Variants in ZNF280C observed in about 807,000 individuals in gnomAD.
ZNF280C encodes the protein zinc finger protein 280C, also known as suppressor of hairy wing homolog 3.
ZNF280C carries 14 observed loss-of-function variants against 53.6 expected under a neutral mutation model. The observed-to-expected ratio is 0.26, with a 90% CI of 0.17 to 0.41. The LOEUF (loss-of-function observed/expected upper bound fraction) is 0.41, where lower values mean the gene tolerates loss of function less well. Ranked by LOEUF, ZNF280C falls within the 10% of genes least tolerant of loss-of-function variation. ZNF280C has a pLI of 1.00. For missense variants in ZNF280C, 416 were observed against 547.1 expected (o/e 0.76, Z 2.39); for synonymous variants, 203 against 181.1 (o/e 1.12, Z -0.97).
At chrX:130,214,232 G>T (rs1408155096) in intron 15 of ZNF280C, among the ~76,000 whole-genome samples, 1 of 111,738 alleles carries the variant, frequency 8.9e-6, no homozygotes, top group Non-Finnish European at 1.9e-5. Flanking sequence ...TGTGAATGAG[G>T]TTCAAATGAA....
chrX:130,228,578 C>T (rs5930386), intron 10 of ZNF280C, among the ~76,000 whole-genome samples: 5,401 of 107,529 alleles, frequency 0.05, 158 homozygotes, highest in Admixed American at 0.077. Flanking sequence ...CCACTGCGCC[C>T]GACCAAGGGA....
At chrX:130,224,181 T>C (rs1603241292) in intron 12 of ZNF280C, among the ~76,000 whole-genome samples, 2 of 111,699 alleles carry the variant, frequency 1.8e-5, no homozygotes, top group Non-Finnish European at 3.8e-5. Flanking sequence ...CTGTCATAAA[T>C]GGGATTAGTG....
In ZNF280C at chrX:130,239,576, C is replaced by T. The variant is rs761613277; in HGVS notation, c.493+6G>A. ...ATAATTTTTATGAAAGAGTGCTAAACCAAACCTTCTCTAAAAATTGCTGGT... is the reference window on the plus strand; with the variant it reads ...ATAATTTTTATGAAAGAGTGCTAAATCAAACCTTCTCTAAAAATTGCTGGT... On this transcript the variant is annotated splice_donor_region_variant and intron_variant, in intron 6 of 18. Coordinates refer to ENST00000370978, the MANE Select transcript of ZNF280C (RefSeq NM_017666.5). 3.6e-6 allele frequency: 4 copies of T among 1,114,221 alleles called. No homozygotes were observed. The East Asian group carries it at 1.2e-4, about 33-fold the overall frequency. 91.8% of individuals were successfully genotyped at this position (1,114,221 alleles called of 1,213,427 possible).
intron 12 of ZNF280C, 69 bp downstream of exon 12, chrX:130,226,690 G>C: frequency 1.9e-6 from 2 of 1,055,667 alleles, no homozygotes; most frequent in Middle Eastern, 2.9e-4. Flanking sequence ...TGTAGCTATA[G>C]ATCTATACAT....
chrX:130,261,880 C>G (rs976969501), intron 1 of ZNF280C, among the ~76,000 whole-genome samples: 6 of 110,776 alleles, frequency 5.4e-5, no homozygotes, highest in Admixed American at 1.9e-4. Flanking sequence ...TGGCTATTCA[C>G]AAGCACGACT....
intron 10 of ZNF280C, among the ~76,000 whole-genome samples, chrX:130,228,719 T>C (rs1260445547): frequency 9.8e-6 from 1 of 101,595 alleles, no homozygotes; most frequent in East Asian, 3.1e-4. Flanking sequence ...TAGCATTCTA[T>C]AGTACTGAAC....
chrX:130,243,819 C>A lies in ZNF280C; in HGVS notation c.225G>T (p.Lys75Asn). 8.4e-7 allele frequency: 1 copy of A among 1,185,496 alleles called. No individual in the cohort carries two copies. ...GHSSSSSKGI[K>N]SEPHSPGIPE... Reference sequence around the variant, plus strand: ...CTGTACCTGGACTGTGTGGCTCACTCTTTATTCCTTTTGAAGATGAGCTGG... The same window carrying A: ...CTGTACCTGGACTGTGTGGCTCACTATTTATTCCTTTTGAAGATGAGCTGG... The change falls in exon 4 of 19, where the codon AAG becomes AAT. Residue 75 changes from lysine (K) to asparagine (N), a missense_variant. By Grantham distance (94) the Lys-to-Asn change is moderately conservative. Around this residue, in one of 3 missense-constraint regions of ZNF280C, gnomAD observed 193 missense variants for 201.4 expected, o/e 0.96. Transcript: ENST00000370978.
At chrX:130,234,490 G>A (rs1179057024) in intron 8 of ZNF280C, among the ~76,000 whole-genome samples, 2 of 112,280 alleles carry the variant, frequency 1.8e-5, no homozygotes, top group African/African-American at 6.5e-5. Flanking sequence ...ACAGTTTTGC[G>A]TCAGAGTAAA....
chrX:130,229,379 A>C (rs1331379682), intron 9 of ZNF280C, among the ~76,000 whole-genome samples: 1 of 111,928 alleles, frequency 8.9e-6, no homozygotes, highest in Admixed American at 9.5e-5. Context: ...AAACATCACT[A>C]ATTTGCTGTA....
intron 8 of ZNF280C, among the ~76,000 whole-genome samples, chrX:130,232,028 A>G (rs2032283282): frequency 9.7e-6 from 1 of 102,936 alleles, no homozygotes. Flanking sequence ...CTCCGTCTCA[A>G]AAAAAAAAAA....
chrX:130,250,470 A>C (rs2032495600), intron 2 of ZNF280C, among the ~76,000 whole-genome samples: 1 of 112,306 alleles, frequency 8.9e-6, no homozygotes, highest in Non-Finnish European at 1.9e-5. Flanking sequence ...ACCCAGAAAA[A>C]TACAAATAAA....
At position 130,242,958 on chromosome X, in the gene ZNF280C, G is replaced by A. The variant is rs2032410284; in HGVS notation, c.381+605C>T. Reference sequence around the variant, plus strand: ...CTCCCAAAGTGCTAGGATTACAGGTGTAAGCCACTATGCCCAACCTGATCA... The same window carrying A: ...CTCCCAAAGTGCTAGGATTACAGGTATAAGCCACTATGCCCAACCTGATCA... On this transcript the variant is annotated intron_variant, in intron 5 of 18. Transcript: ENST00000370978. Among the ~76,000 whole-genome samples the A allele has an allele frequency of 3.6e-5, 4 of 111,774 alleles. No homozygotes were observed. The South Asian group carries it at 1.5e-3, about 42-fold the overall frequency.
rs761368842 is a variant in ZNF280C, at chrX:130,226,891, T to C, written c.1263A>G (p.Arg421=). The C allele has an allele frequency of 4.2e-6, 5 of 1,198,477 alleles. No individual in the cohort carries two copies. Among genetic ancestry groups the C allele is most frequent in the Non-Finnish European group, 5.6e-6 (5 of 891,228 alleles). The stretch of plus-strand genomic sequence containing the variant: ...CTTCTACATCAGAAAATGTTGATGA[T>C]CTAAACTGGCAAACCTAGAAATATA... ...MPYVCQVCQF[R]SSTFSDVEAH... is the part of the protein sequence containing the mutation. The change falls in exon 12 of 19, where the codon AGA becomes AGG. Residue 421 remains arginine, a synonymous_variant. Coordinates refer to ENST00000370978, the MANE Select transcript of ZNF280C (RefSeq NM_017666.5).
intron 2 of ZNF280C, among the ~76,000 whole-genome samples, chrX:130,260,010 C>T (rs1288867992): frequency 4.6e-5 from 5 of 109,863 alleles, no homozygotes; most frequent in African/African-American, 1.3e-4. Flanking sequence ...AGGCCAGGTG[C>T]GGTGGCTCAC....
intron 1 of ZNF280C, 93 bp from the exon 2 acceptor site, chrX:130,260,558 G>T: frequency 1.5e-6 from 1 of 681,108 alleles, no homozygotes; most frequent in Non-Finnish European, 2.1e-6. Flanking sequence ...AAAATCTTTG[G>T]GTCTAATTTT....
rs770789900 is a variant in ZNF280C, at chrX:130,209,333, A to G, written c.2042+320T>C. ...TTTCTGTACAGTAAACAACTTATAT[A>G]CTTTAATTCTAAAAACATTAACAAT... On this transcript the variant is annotated intron_variant, in intron 16 of 18. Transcript: ENST00000370978. Among the ~76,000 whole-genome samples, 11 of 112,599 alleles carry G rather than the reference A, an allele frequency of 9.8e-5. No individual in the cohort carries two copies. The South Asian group carries it at 2.5e-3, about 26-fold the overall frequency.
chrX:130,262,320 G>A (rs1032571532), intron 1 of ZNF280C, among the ~76,000 whole-genome samples: 5 of 112,235 alleles, frequency 4.5e-5, no homozygotes, highest in Non-Finnish European at 9.4e-5. Flanking sequence ...GTGCTCAAAA[G>A]CTACAAGTGG....
At chrX:130,237,751 G>A (rs972449743) in intron 6 of ZNF280C, among the ~76,000 whole-genome samples, 4 of 111,044 alleles carry the variant, frequency 3.6e-5, no homozygotes, top group Non-Finnish European at 5.7e-5. Context: ...AAACAGAAAT[G>A]ATTTTTTCCA....
intron 5 of ZNF280C, among the ~76,000 whole-genome samples, chrX:130,240,836 T>C (rs1404456381): frequency 8.9e-6 from 1 of 112,339 alleles, no homozygotes; most frequent in Non-Finnish European, 1.9e-5. Context: ...TATTTAACTA[T>C]GTTACCTTGG....
Sources: gnomAD v4.1 joint callset for allele counts (sites outside exome capture counted in the v4.1 genomes callset) on GRCh38, gnomAD v4.1.1 for gene constraint, gnomAD v4.1.1 regional missense constraint, MANE v1.5 for transcripts, NCBI Gene and HGNC (gene_info 2026-07-23, HGNC 2026-07-21) for gene names.